UGT2B4: variants seen among roughly 807,000 people sequenced by gnomAD.
UGT2B4 encodes UDP-glucuronosyltransferase 2B4.
In UGT2B4, 49 loss-of-function variants were observed where a neutral mutation model predicts 49.8. The ratio of observed to expected loss-of-function variants is 0.98; its 90% CI spans 0.78 to 1.25. UGT2B4 has a LOEUF of 1.25. UGT2B4 is among the 50% of genes most tolerant of loss of function. UGT2B4 has a pLI of 0.00. For synonymous variants in UGT2B4, 246 were observed against 217.7 expected (o/e 1.13, Z -1.14); for missense variants, 729 against 627.7 (o/e 1.16, Z -1.73).
At chr4:69,520,177 T>A (rs1403655838) in intron 1 of UGT2B4, among the ~76,000 whole-genome samples, 1 of 152,366 alleles carries the variant, frequency 6.6e-6, no homozygotes, top group African/African-American at 2.4e-5. Flanking sequence ...TATCACAATA[T>A]ATCACATATA....
rs1159745432 is a variant in UGT2B4, at chr4:69,480,910, T to C, written c.1311A>G (p.Leu437=). 1 of 1,612,658 alleles carries C rather than the reference T, an allele frequency of 6.2e-7. No individual in the cohort carries two copies. Among genetic ancestry groups the C allele is most frequent in the East Asian group, 2.2e-5 (1 of 44,844 alleles). The change falls in exon 6 of 6, where the codon TTA becomes TTG. Residue 437 remains leucine (L), a splice_region_variant and synonymous_variant. Coordinates refer to ENST00000305107, the MANE Select transcript of UGT2B4 (RefSeq NM_021139.3). The stretch of plus-strand genomic sequence containing the variant: ...ATAATTTCATAGCATTCTCTTTATA[T>C]CTAAACGATAAGCAGAAAAGTATCA... ...NALKTVINDP[L]YKENAMKLSR...
At chr4:69,490,177 T>A (rs1419287591) in intron 2 of UGT2B4, among the ~76,000 whole-genome samples, 2 of 152,174 alleles carry the variant, frequency 1.3e-5, no homozygotes, top group African/African-American at 4.8e-5. Context: ...TGGTTAAGAA[T>A]CACTGACATT....
chr4:69,484,334 A>T (rs1577879769), intron 5 of UGT2B4, among the ~76,000 whole-genome samples: 1 of 152,216 alleles, frequency 6.6e-6, no homozygotes, highest in East Asian at 1.9e-4. Context: ...ATGCAAAAAC[A>T]TGTAGCAATG....
intron 1 of UGT2B4, among the ~76,000 whole-genome samples, chr4:69,514,979 C>G (rs1376578149): frequency 6.6e-6 from 1 of 152,104 alleles, no homozygotes; most frequent in South Asian, 2.1e-4. Flanking sequence ...TCTATCTATC[C>G]TAAGTACATA....
At chr4:69,484,691 A>G (rs1444811956) in intron 5 of UGT2B4, among the ~76,000 whole-genome samples, 1 of 152,156 alleles carries the variant, frequency 6.6e-6, no homozygotes, top group African/African-American at 2.4e-5. Context: ...AATGTTCTAA[A>G]ATTATATGAT....
chr4:69,517,197 A>G (rs749029396), intron 1 of UGT2B4, among the ~76,000 whole-genome samples: 1 of 152,140 alleles, frequency 6.6e-6, no homozygotes, highest in East Asian at 1.9e-4. Flanking sequence ...AGTCTTTTAG[A>G]GTTTTCTAAT....
intron 5 of UGT2B4, 76 bp downstream of exon 5, chr4:69,485,132 G>C: frequency 6.6e-7 from 1 of 1,510,648 alleles, no homozygotes; most frequent in South Asian, 1.2e-5. Context: ...CTTATAAAAA[G>C]GATAAAAGTC....
intron 1 of UGT2B4, among the ~76,000 whole-genome samples, chr4:69,502,910 G>C (rs979300236): frequency 6.6e-6 from 1 of 152,160 alleles, no homozygotes; most frequent in Non-Finnish European, 1.5e-5. Context: ...GGAACCCCTG[G>C]CTTGGGCCCA....
chr4:69,512,965 TGTA>T (rs1468614604), intron 1 of UGT2B4, among the ~76,000 whole-genome samples: 2 of 152,172 alleles, frequency 1.3e-5, no homozygotes, highest in African/African-American at 4.8e-5. Context: ...TTAAGTTCCT[TGTA>T]GAATCTGGAT....
chr4:69,495,204 A>G lies in UGT2B4; in HGVS notation c.658T>C (p.Phe220Leu), dbSNP rs773933494. ...TCAAATATTTGGAACCAAAATTCAAAATAAAGCACATAGATCATATTTTTT... is the reference window on the plus strand; with the variant it reads ...TCAAATATTTGGAACCAAAATTCAAGATAAAGCACATAGATCATATTTTTT... ...RVKNMIYVLY[F>L]EFWFQIFDMK... The change falls in exon 1 of 6, where the codon TTT (phenylalanine) becomes CTT (leucine). Residue 220 changes from phenylalanine (F) to leucine (L), a missense_variant. Coordinates refer to ENST00000305107, the MANE Select transcript of UGT2B4 (RefSeq NM_021139.3). The G allele has an allele frequency of 2.5e-6, 4 of 1,595,820 alleles. No individual in the cohort carries two copies. Among genetic ancestry groups the G allele is most frequent in the Non-Finnish European group, 2.6e-6 (3 of 1,174,102 alleles).
At chr4:69,509,952 C>G (rs1728567678) in intron 1 of UGT2B4, among the ~76,000 whole-genome samples, 1 of 151,962 alleles carries the variant, frequency 6.6e-6, no homozygotes, top group Non-Finnish European at 1.5e-5. Flanking sequence ...GAAGCTTTTG[C>G]TTTATATTTT....
chr4:69,524,168 T>C (rs1236408099), intron 1 of UGT2B4, among the ~76,000 whole-genome samples: 1 of 152,148 alleles, frequency 6.6e-6, no homozygotes, highest in East Asian at 1.9e-4. Flanking sequence ...ACTTGTAATT[T>C]CTTTCAATAA....
chr4:69,481,252 A>G (rs534869003), intron 5 of UGT2B4, among the ~76,000 whole-genome samples: 2 of 152,214 alleles, frequency 1.3e-5, no homozygotes, highest in East Asian at 1.9e-4. Context: ...CTGGTGACAG[A>G]GTGAGACTTC....
In UGT2B4 at chr4:69,493,674, A is replaced by T; in HGVS notation, c.870+19T>A. On this transcript the variant is annotated intron_variant, in intron 2 of 5. Coordinates refer to ENST00000305107, the MANE Select transcript of UGT2B4 (RefSeq NM_021139.3). ...GTACTGAAACTTCAAAGCAGACAAA[A>T]CAAACAGTAATAGTTTACCTTCGGT... The T allele has an allele frequency of 6.3e-7, 1 of 1,592,382 alleles. No homozygotes were observed. The highest frequency in any genetic ancestry group is 8.5e-7 in the Non-Finnish European group (1 of 1,173,676).
intron 1 of UGT2B4, among the ~76,000 whole-genome samples, chr4:69,504,414 A>T (rs755750088): frequency 6.6e-6 from 1 of 152,220 alleles, no homozygotes; most frequent in Non-Finnish European, 1.5e-5. Flanking sequence ...AACCAATCTG[A>T]TAGAGCTGGA....
intron 1 of UGT2B4, among the ~76,000 whole-genome samples, chr4:69,523,696 GTCAGC>G (rs1465376252): frequency 6.6e-6 from 1 of 152,018 alleles, no homozygotes; most frequent in Non-Finnish European, 1.5e-5. Flanking sequence ...TAACAAAAGA[GTCAGC>G]CTGTGCTTTA....
rs533151366 is a variant in UGT2B4 at position 69,513,493 on chromosome 4, A to C, written c.-106+12194T>G. On this transcript the variant is annotated intron_variant, in intron 1 of 1. Transcript: ENST00000510114. ...GCTGTTTTGGTTACTGTAGCCTTGTAGTATAGTTTGAAGTCAGGTAGTGTG... is the reference window on the plus strand; with the variant it reads ...GCTGTTTTGGTTACTGTAGCCTTGTCGTATAGTTTGAAGTCAGGTAGTGTG... Among the ~76,000 whole-genome samples the C allele has an allele frequency of 2.0e-5, 3 of 152,244 alleles. No homozygotes were observed. The East Asian group carries it at 5.8e-4, about 29-fold the overall frequency.
At chr4:69,508,973 A>C (rs762502237) in intron 1 of UGT2B4, among the ~76,000 whole-genome samples, 4 of 151,876 alleles carry the variant, frequency 2.6e-5, no homozygotes, top group Middle Eastern at 3.2e-3. Flanking sequence ...TTGAACAGCA[A>C]CTCCCAAGTC....
intron 1 of UGT2B4, among the ~76,000 whole-genome samples, chr4:69,511,896 G>A (rs570318084): frequency 1.3e-5 from 2 of 152,020 alleles, no homozygotes; most frequent in East Asian, 1.9e-4. Context: ...TAGGTTGTAC[G>A]TTCTTATGAA....
Sources: allele counts gnomAD v4.1 joint callset (sites outside exome capture counted in the v4.1 genomes callset), GRCh38; gene constraint gnomAD v4.1.1; transcripts MANE v1.5; gene names NCBI Gene and HGNC (gene_info 2026-07-23, HGNC 2026-07-21).